The following GAS7 variants were observed in gnomAD, a reference collection of about 807,000 sequenced individuals.
GAS7 encodes the protein growth arrest-specific protein 7.
Under a neutral mutation model 71.1 loss-of-function variants are expected in GAS7, and 28 were observed. The observed-to-expected ratio is 0.39, with a 90% CI of 0.29 to 0.54. GAS7 has a LOEUF of 0.54. Ranked by LOEUF, GAS7 falls within the 20% of genes least tolerant of loss-of-function variation. The pLI, the probability that GAS7 is intolerant of heterozygous loss-of-function variation, is 0.62. For missense variants in GAS7, 436 were observed against 627.8 expected (o/e 0.69, Z 3.27); for synonymous variants, 258 against 245.8 (o/e 1.05, Z -0.46).
intron 2 of GAS7, among the ~76,000 whole-genome samples, chr17:10,010,960 T>C (rs1459876743): frequency 6.6e-5 from 10 of 152,176 alleles, no homozygotes. Flanking sequence ...AAAGAAAGCT[T>C]CATTTACAAA....
At chr17:9,958,887 C>A in intron 5 of GAS7, 3 of 910,716 alleles carry the variant, frequency 3.3e-6, no homozygotes, top group Non-Finnish European at 4.4e-6. Flanking sequence ...TTGCGCTGAG[C>A]ACAGTCCACC....
chr17:10,161,078 C>T (rs974309947), intron 1 of GAS7, among the ~76,000 whole-genome samples: 1 of 152,070 alleles, frequency 6.6e-6, no homozygotes, highest in Admixed American at 6.6e-5. Context: ...ACAAGGGTCG[C>T]GGCTCCGTTT....
chr17:10,158,967 G>A (rs532252054), intron 1 of GAS7, among the ~76,000 whole-genome samples: 1 of 149,030 alleles, frequency 6.7e-6, no homozygotes, highest in South Asian at 2.1e-4. Context: ...TGAGGTGAGA[G>A]GATCATCACC....
intron 2 of GAS7, among the ~76,000 whole-genome samples, chr17:10,000,976 G>A (rs1049214249): frequency 1.3e-5 from 2 of 151,948 alleles, no homozygotes; most frequent in Admixed American, 6.6e-5. Flanking sequence ...GAGAGCACAC[G>A]GGCTGGGCAT....
intron 1 of GAS7, among the ~76,000 whole-genome samples, chr17:10,171,761 T>G (rs1431662499): frequency 6.6e-6 from 1 of 151,068 alleles, no homozygotes; most frequent in Non-Finnish European, 1.5e-5. Context: ...CCTGAGCAAA[T>G]TCTTTGACCT....
Position 10,026,355 on chromosome 17 carries a change from T to G in GAS7, c.184-6458A>C. ...CTCCCCCCACACCCAGATCTATATA[T>G]AACAGCTCTGAAGTTGTCAGCCTAA... On this transcript the variant is annotated intron_variant, in intron 1 of 13. Coordinates refer to ENST00000432992, the MANE Select transcript of GAS7 (RefSeq NM_201433.2). The surrounding 1 kb of genome is among the most constrained non-coding windows in gnomAD (Gnocchi z 4.5). The G allele has an allele frequency of 5.5e-6, 5 of 901,702 alleles. No homozygotes were observed. Among genetic ancestry groups the G allele is most frequent in the Non-Finnish European group, 6.6e-6 (5 of 753,562 alleles). 55.9% of individuals were successfully genotyped at this position (901,702 alleles called of 1,614,324 possible).
intron 1 of GAS7, among the ~76,000 whole-genome samples, chr17:10,113,192 C>A (rs1410656843): frequency 6.6e-6 from 1 of 152,186 alleles, no homozygotes; most frequent in African/African-American, 2.4e-5. Context: ...GTGCACGATG[C>A]TGGCAAGGCT....
intron 1 of GAS7, among the ~76,000 whole-genome samples, chr17:10,127,845 G>A (rs1164830239): frequency 6.6e-6 from 1 of 152,186 alleles, no homozygotes; most frequent in Non-Finnish European, 1.5e-5. Flanking sequence ...CCTTGGAAAT[G>A]CTGATTAAAC....
intron 1 of GAS7, among the ~76,000 whole-genome samples, chr17:10,190,062 T>C (rs867667378): frequency 2.6e-5 from 4 of 152,210 alleles, no homozygotes; most frequent in Non-Finnish European, 4.4e-5. Flanking sequence ...GGCACGCCCA[T>C]TGGCTTTCGG....
Position 9,969,805 on chromosome 17 carries a change from G to T in GAS7, c.386-43C>A, listed in dbSNP as rs1487898953. The T allele has an allele frequency of 6.2e-6, 8 of 1,287,200 alleles. No homozygotes were observed. In the Admixed American group the frequency reaches 1.2e-4, roughly 19 times the overall value. 79.7% of individuals were successfully genotyped at this position (1,287,200 alleles called of 1,614,324 possible). A position where few individuals can be genotyped will look rare whatever the true frequency, so the allele number is the denominator to read the frequency against. ...CGGCTCAGATGCTGTGTGGGCCACA[G>T]ATGGGCACCCCCGCCTTTCGTCCAC... On this transcript the variant is annotated intron_variant, in intron 3 of 13. Coordinates refer to ENST00000432992, the MANE Select transcript of GAS7 (RefSeq NM_201433.2). The surrounding 1 kb of genome is among the most constrained non-coding windows in gnomAD (Gnocchi z 5.5).
At chr17:10,155,169 C>G (rs1438956832) in intron 1 of GAS7, among the ~76,000 whole-genome samples, 11 of 152,082 alleles carry the variant, frequency 7.2e-5, no homozygotes, top group Admixed American at 7.2e-4. Flanking sequence ...TGCGTACCAA[C>G]ACACCCAGCT....
intron 2 of GAS7, among the ~76,000 whole-genome samples, chr17:9,983,743 T>C (rs1216707245): frequency 6.7e-6 from 1 of 149,082 alleles, no homozygotes; most frequent in Non-Finnish European, 1.5e-5. Flanking sequence ...GCTGAGACCA[T>C]GCCACTGCAC....
intron 2 of GAS7, among the ~76,000 whole-genome samples, chr17:9,992,964 A>G (rs9891535): frequency 0.045 from 6,759 of 151,800 alleles, 517 homozygotes; most frequent in African/African-American, 0.15. Flanking sequence ...ATAGTATTCC[A>G]TGGTGTATAT....
At chr17:10,135,896 T>A (rs1469224989) in intron 1 of GAS7, among the ~76,000 whole-genome samples, 1 of 152,144 alleles carries the variant, frequency 6.6e-6, no homozygotes, top group Non-Finnish European at 1.5e-5. Flanking sequence ...AGGGGAAGAC[T>A]TGAGGCTGTA....
intron 1 of GAS7, among the ~76,000 whole-genome samples, chr17:10,184,108 G>A (rs1243236062): frequency 1.3e-5 from 2 of 152,196 alleles, no homozygotes; most frequent in Non-Finnish European, 2.9e-5. Context: ...TCAAGATGTA[G>A]AGACCATGTC....
chr17:9,985,573 G>A (rs2070614915), intron 2 of GAS7, among the ~76,000 whole-genome samples: 2 of 152,350 alleles, frequency 1.3e-5, no homozygotes, highest in South Asian at 2.1e-4. Flanking sequence ...TCCCTGCAAA[G>A]AGTTCTTCCC....
chr17:10,093,473 GC>G (rs1318670062), intron 1 of GAS7, among the ~76,000 whole-genome samples: 3 of 146,066 alleles, frequency 2.1e-5, no homozygotes, highest in Admixed American at 7.1e-5. Flanking sequence ...GGAGGCTGAA[GC>G]AGGAGAATCG....
At position 9,970,546 on chromosome 17, in the gene GAS7, C is replaced by T. The variant is rs187668007; in HGVS notation, c.386-784G>A. Among the ~76,000 whole-genome samples, 1,197 of 152,164 alleles carry T rather than the reference C, an allele frequency of 7.9e-3. 8 individuals are homozygous for T. The highest frequency in any genetic ancestry group is 0.028 in the African/African-American group (1,151 of 41,506). ...ACTCGGGAGGCTGAGGCAGGAGGAT[C>T]GCTTGAACCCAGGAGGCAGAGGTTG... On this transcript the variant is annotated intron_variant, in intron 3 of 13. Coordinates refer to ENST00000432992, the MANE Select transcript of GAS7 (RefSeq NM_201433.2).
intron 2 of GAS7, among the ~76,000 whole-genome samples, chr17:10,013,553 C>G (rs1282953167): frequency 6.6e-6 from 1 of 152,162 alleles, no homozygotes; most frequent in Non-Finnish European, 1.5e-5. Flanking sequence ...CAGAGAGCCA[C>G]AAGAAAGATG....
Sources: gnomAD v4.1 joint callset for allele counts (sites outside exome capture counted in the v4.1 genomes callset) on GRCh38, gnomAD v4.1.1 for gene constraint, Gnocchi (gnomAD v3.1) non-coding constraint, MANE v1.5 for transcripts, NCBI Gene and HGNC (gene_info 2026-07-23, HGNC 2026-07-21) for gene names.